The following PCCA variants were observed in gnomAD, a reference collection of about 807,000 sequenced individuals.
PCCA encodes propionyl-CoA carboxylase subunit alpha.
In PCCA, 74 loss-of-function variants were observed where a neutral mutation model predicts 101.3. That is an observed-to-expected ratio of 0.73 (90% CI 0.61 to 0.89). The LOEUF (loss-of-function observed/expected upper bound fraction) is 0.89, where lower values mean the gene tolerates loss of function less well. Among genes scored for constraint, PCCA ranks in the 40% least tolerant of loss-of-function variants. The pLI, the probability that PCCA is intolerant of heterozygous loss-of-function variation, is 0.00. For missense variants in PCCA, 891 were observed against 907.0 expected, an observed-to-expected ratio of 0.98 and a Z score of 0.23; for synonymous variants, 294 against 313.6, an observed-to-expected ratio of 0.94 and a Z score of 0.66.
chr13:100,383,552 G>A (rs903315604), intron 19 of PCCA, among the ~76,000 whole-genome samples: 4 of 151,900 alleles, frequency 2.6e-5, no homozygotes, highest in African/African-American at 9.7e-5. Context: ...TGAGGCTGCA[G>A]TGAGCCATGA....
chr13:100,241,625 T>C (rs898170061), intron 8 of PCCA, among the ~76,000 whole-genome samples: 2 of 152,014 alleles, frequency 1.3e-5, no homozygotes, highest in African/African-American at 2.4e-5. Context: ...TGTGTGCCAC[T>C]ATGCCTAATT....
chr13:100,314,251 G>A (rs2067155705), intron 16 of PCCA, among the ~76,000 whole-genome samples: 1 of 152,272 alleles, frequency 6.6e-6, no homozygotes, highest in South Asian at 2.1e-4. Flanking sequence ...TAACCCAGTG[G>A]AGGAGATGCA....
intron 16 of PCCA, among the ~76,000 whole-genome samples, chr13:100,321,473 A>G (rs939451623): frequency 1.3e-5 from 2 of 152,104 alleles, no homozygotes; most frequent in African/African-American, 4.8e-5. Context: ...TTTCTCATTA[A>G]AAAAACTTAT....
intron 21 of PCCA, among the ~76,000 whole-genome samples, chr13:100,457,964 C>T (rs2081869750): frequency 6.6e-6 from 1 of 152,116 alleles, no homozygotes; most frequent in Non-Finnish European, 1.5e-5. Flanking sequence ...ACTGGGATCT[C>T]AGTGTTGACT....
chr13:100,192,829 C>T lies in PCCA; in HGVS notation c.469-16503C>T, dbSNP rs371773580. On this transcript the variant is annotated intron_variant, in intron 6 of 23. Coordinates refer to ENST00000376285, the MANE Select transcript of PCCA (RefSeq NM_000282.4). ...TCAAATGCTCCTTCCTTTGTGAAGC[C>T]GTCCTTGATTCCCTTGTTGGACTCT... is the stretch of plus-strand genomic sequence containing the variant. Among the ~76,000 whole-genome samples the T allele has an allele frequency of 2.2e-4, 33 of 152,248 alleles. No homozygotes were observed. In the South Asian group the frequency reaches 3.3e-3, roughly 15 times the overall value.
At chr13:100,132,253 C>G (rs1420243383) in intron 4 of PCCA, among the ~76,000 whole-genome samples, 1 of 12,244 alleles carries the variant, frequency 8.2e-5, no homozygotes. Flanking sequence ...CTAGCACAAT[C>G]AGAATGCAGA....
Position 100,262,349 on chromosome 13 carries a change from C to T in PCCA, c.717-380C>T, listed in dbSNP as rs373206078. The stretch of plus-strand genomic sequence containing the variant: ...GCAGAGGTTGCAGTGAGCTGAGATC[C>T]TGCCACTGCACTCCAGCCTGGGCGA... On this transcript the variant is annotated intron_variant, in intron 9 of 23. Coordinates refer to ENST00000376285, the MANE Select transcript of PCCA (RefSeq NM_000282.4). 7.2e-5 allele frequency among the ~76,000 whole-genome samples: 11 copies of T among 151,826 alleles called. No individual in the cohort carries two copies. The South Asian group carries it at 2.3e-3, about 32-fold the overall frequency.
At chr13:100,364,537 A>C (rs982688293) in intron 18 of PCCA, among the ~76,000 whole-genome samples, 5 of 152,252 alleles carry the variant, frequency 3.3e-5, no homozygotes, top group African/African-American at 1.2e-4. Context: ...TATATCTGCC[A>C]GTTAACTGGC....
intron 6 of PCCA, among the ~76,000 whole-genome samples, chr13:100,178,949 C>T (rs1280441691): frequency 2.0e-5 from 3 of 151,094 alleles, no homozygotes; most frequent in Admixed American, 2.0e-4. Context: ...TGGTGGCAGG[C>T]GCCTGTAATC....
rs556247462 is a variant in PCCA, at chr13:100,453,326, C to A, written c.1899+4021C>A. Among the ~76,000 whole-genome samples the A allele has an allele frequency of 9.1e-4, 139 of 152,100 alleles. 1 individual carries two copies. The highest frequency in any genetic ancestry group is 3.3e-3 in the African/African-American group (136 of 41,486). ...GACTAGCCTGGCCAACATGGTGAAA[C>A]CCTGTTTCTACTAAAAATACAAAAA... On this transcript the variant is annotated intron_variant, in intron 21 of 23. Transcript: ENST00000376285.
At chr13:100,257,547 C>T (rs771640227) in intron 8 of PCCA, 48 bp from the exon 9 acceptor site, 2 of 1,248,164 alleles carry the variant, frequency 1.6e-6, no homozygotes, top group Non-Finnish European at 1.2e-6. Flanking sequence ...GTTCATACAT[C>T]CCAATGATCA....
chr13:100,400,627 G>GCTCTTTTTTTTTT, intron 19 of PCCA, among the ~76,000 whole-genome samples: 1 of 80,246 alleles, frequency 1.2e-5, no homozygotes, highest in Non-Finnish European at 2.3e-5. Context: ...GTTCTTTTTA[G>GCTCTTTTTTTTTT]TTCTTTTTTT....
chr13:100,343,538 C>T (rs1025741828), intron 18 of PCCA, among the ~76,000 whole-genome samples: 5 of 152,140 alleles, frequency 3.3e-5, no homozygotes, highest in Admixed American at 6.5e-5. Flanking sequence ...TAATGTATGA[C>T]TTCATTTATT....
At chr13:100,360,560 A>T (rs1036123103) in intron 18 of PCCA, among the ~76,000 whole-genome samples, 3 of 152,242 alleles carry the variant, frequency 2.0e-5, no homozygotes, top group African/African-American at 7.2e-5. Context: ...AAAAGGAAAA[A>T]TTAGTGAGTT....
intron 21 of PCCA, among the ~76,000 whole-genome samples, chr13:100,511,680 G>A (rs1257883476): frequency 6.6e-6 from 1 of 152,236 alleles, no homozygotes; most frequent in Non-Finnish European, 1.5e-5. Context: ...CACTTGAAGA[G>A]GAACGGAGGT....
chr13:100,171,941 A>G (rs542538326), intron 6 of PCCA, among the ~76,000 whole-genome samples: 1 of 151,710 alleles, frequency 6.6e-6, no homozygotes, highest in Non-Finnish European at 1.5e-5. Context: ...CTGAGGCAGG[A>G]GAATGGCGTG....
intron 4 of PCCA, among the ~76,000 whole-genome samples, chr13:100,144,295 G>C (rs1566569510): frequency 6.6e-6 from 1 of 152,160 alleles, no homozygotes; most frequent in Non-Finnish European, 1.5e-5. Context: ...GAGCTGTCCT[G>C]TCTTTTGGGA....
At chr13:100,311,236 GA>G (rs34801958) in intron 16 of PCCA, among the ~76,000 whole-genome samples, 26 of 149,760 alleles carry the variant, frequency 1.7e-4, no homozygotes, top group Non-Finnish European at 3.0e-4. Context: ...CCGTCTCAAT[GA>G]AAAAAAAAAT....
intron 12 of PCCA, among the ~76,000 whole-genome samples, chr13:100,296,394 C>T (rs2065529419): frequency 6.6e-6 from 1 of 151,396 alleles, no homozygotes; most frequent in East Asian, 1.9e-4. Flanking sequence ...CATGCGTCAC[C>T]ATGCCTGGCT....
Sources: allele counts gnomAD v4.1 joint callset (sites outside exome capture counted in the v4.1 genomes callset), GRCh38; gene constraint gnomAD v4.1.1; transcripts MANE v1.5; gene names NCBI Gene and HGNC (gene_info 2026-07-23, HGNC 2026-07-21).